The following ZNF385D variants were observed in gnomAD, a reference collection of about 807,000 sequenced individuals.
ZNF385D encodes zinc finger protein 659.
A neutral mutation model predicts 35.8 loss-of-function variants in ZNF385D; 15 were observed. That is an observed-to-expected ratio of 0.42 (90% confidence interval 0.28 to 0.64). The LOEUF (loss-of-function observed/expected upper bound fraction) is 0.64, where lower values mean the gene tolerates loss of function less well. Ranked by LOEUF, ZNF385D falls within the 30% of genes least tolerant of loss-of-function variation. ZNF385D has a pLI of 0.23. For missense variants in ZNF385D, 474 were observed against 494.6 expected (o/e 0.96, Z 0.39); for synonymous variants, 212 against 186.8 (o/e 1.13, Z -1.10).
chr3:21,963,413 A>G (rs1346960914), intron 3 of ZNF385D, among the ~76,000 whole-genome samples: 2 of 152,210 alleles, frequency 1.3e-5, no homozygotes, highest in Non-Finnish European at 2.9e-5. Flanking sequence ...AGTTAAGGAT[A>G]GGGAGGGGAA....
At chr3:21,948,374 TTTTTC>T (rs140269530) in intron 3 of ZNF385D, among the ~76,000 whole-genome samples, 10,906 of 151,972 alleles carry the variant, frequency 0.072, 1,268 homozygotes, top group African/African-American at 0.25. Context: ...AGGAGGCAGG[TTTTTC>T]TTTTCTTTCT....
chr3:22,151,419 G>A (rs1022523489), intron 3 of ZNF385D, among the ~76,000 whole-genome samples: 4 of 152,056 alleles, frequency 2.6e-5, no homozygotes, highest in Middle Eastern at 3.2e-3. Context: ...GGGTTGAGGA[G>A]GTGAATAATT....
intron 3 of ZNF385D, among the ~76,000 whole-genome samples, chr3:22,113,448 G>T (rs1702643469): frequency 6.6e-6 from 1 of 152,050 alleles, no homozygotes; most frequent in Middle Eastern, 3.4e-3. Context: ...ACTATACCTT[G>T]GTTCAAATGA....
At chr3:21,577,677 T>A (rs1427661721) in intron 2 of ZNF385D, among the ~76,000 whole-genome samples, 1 of 152,176 alleles carries the variant, frequency 6.6e-6, no homozygotes. Context: ...TAGCAGGTTA[T>A]TTTTTGTCTT....
In ZNF385D at chr3:21,751,046, G is replaced by A. The variant is rs2125556521; in HGVS notation, c.-130C>T. The A allele has an allele frequency of 1.9e-6, 3 of 1,557,398 alleles. No homozygotes were observed. Among genetic ancestry groups the A allele is most frequent in the East Asian group, 2.3e-5 (1 of 42,822 alleles). ...CCCGGCGTGGAGAGCAGTGAGCGCC[G>A]AGAGCGTGCCTCCTCCGCGGGATGA... On this transcript the variant is annotated 5_prime_UTR_variant, in exon 1 of 8. Coordinates refer to ENST00000281523, the MANE Select transcript of ZNF385D (RefSeq NM_024697.3).
chr3:21,439,276 C>T (rs909647062), intron 4 of ZNF385D, among the ~76,000 whole-genome samples: 3 of 68,170 alleles, frequency 4.4e-5, no homozygotes, highest in Admixed American at 1.8e-4. Context: ...TTTCATGGAA[C>T]AAGAAAATCA....
At chr3:21,694,504 G>A (rs2067401655) in intron 1 of ZNF385D, among the ~76,000 whole-genome samples, 1 of 152,192 alleles carries the variant, frequency 6.6e-6, no homozygotes, top group Non-Finnish European at 1.5e-5. Flanking sequence ...CTCTGGAACA[G>A]TAACTGGTCA....
chr3:22,071,978 G>A (rs1211485360), intron 3 of ZNF385D, among the ~76,000 whole-genome samples: 7 of 151,972 alleles, frequency 4.6e-5, no homozygotes, highest in South Asian at 2.1e-4. Flanking sequence ...GAAGTAAACT[G>A]TCAAATTCAG....
At chr3:22,048,469 C>G (rs1374965623) in intron 3 of ZNF385D, among the ~76,000 whole-genome samples, 1 of 152,090 alleles carries the variant, frequency 6.6e-6, no homozygotes, top group African/African-American at 2.4e-5. Context: ...ATGTGAATGT[C>G]AAGTTTTCCC....
At chr3:21,551,098 G>A (rs753970725) in intron 3 of ZNF385D, among the ~76,000 whole-genome samples, 1 of 152,204 alleles carries the variant, frequency 6.6e-6, no homozygotes, top group South Asian at 2.1e-4. Context: ...TTATGAGTGA[G>A]TTCTAGCTGC....
rs575988354 is a variant in ZNF385D, at chr3:22,342,762, C to G, written c.106+29688G>C. On this transcript the variant is annotated intron_variant, in intron 2 of 5. Coordinates refer to the ZNF385D transcript ENST00000494108. ...AAGAATATAGAAAATAATACCTCAG[C>G]CCTTGAAGAAATGTCTCCAATGGAT... Among the ~76,000 whole-genome samples, 49 of 152,314 alleles carry G rather than the reference C, an allele frequency of 3.2e-4. No homozygotes were observed. In the South Asian group the frequency reaches 7.9e-3, roughly 24 times the overall value.
chr3:21,471,716 G>A (rs960659124), intron 4 of ZNF385D, among the ~76,000 whole-genome samples: 8 of 152,024 alleles, frequency 5.3e-5, no homozygotes, highest in Non-Finnish European at 1.0e-4. Flanking sequence ...AGTATGATGG[G>A]AAACATTTCC....
chr3:21,585,429 CTTTT>C (rs1447315856), intron 2 of ZNF385D, among the ~76,000 whole-genome samples: 1 of 152,112 alleles, frequency 6.6e-6, no homozygotes, highest in East Asian at 1.9e-4. Flanking sequence ...TTTCCTTTGT[CTTTT>C]AAGTAAACTT....
chr3:22,125,642 C>A (rs928564477), intron 3 of ZNF385D, among the ~76,000 whole-genome samples: 56 of 152,018 alleles, frequency 3.7e-4, no homozygotes, highest in Non-Finnish European at 8.8e-5. Flanking sequence ...AGGTCTTTCA[C>A]ATTTTTGGTT....
chr3:21,609,606 T>A (rs576800436), intron 2 of ZNF385D, among the ~76,000 whole-genome samples: 1 of 152,274 alleles, frequency 6.6e-6, no homozygotes, highest in South Asian at 2.1e-4. Context: ...GAAATAGGGG[T>A]AGGCTCGTGA....
intron 3 of ZNF385D, among the ~76,000 whole-genome samples, chr3:22,131,682 G>A (rs937954878): frequency 9.2e-5 from 14 of 152,286 alleles, no homozygotes; most frequent in African/African-American, 2.9e-4. Context: ...TGATGGCAGA[G>A]CATATGACTA....
chr3:22,323,370 A>C (rs1433098518), intron 2 of ZNF385D, among the ~76,000 whole-genome samples: 1 of 152,158 alleles, frequency 6.6e-6, no homozygotes, highest in Non-Finnish European at 1.5e-5. Context: ...AGTTCATGAT[A>C]GTAAGTAAGT....
At chr3:21,994,206 G>A (rs776275745) in intron 3 of ZNF385D, among the ~76,000 whole-genome samples, 13 of 152,072 alleles carry the variant, frequency 8.5e-5, no homozygotes, top group Non-Finnish European at 1.6e-4. Flanking sequence ...GTGTTAGTTG[G>A]GTCATTAAAC....
rs137905087 is a variant in ZNF385D at position 22,363,245 on chromosome 3, T to A, written c.106+9205A>T. Among the ~76,000 whole-genome samples, 560 of 151,632 alleles carry A rather than the reference T, an allele frequency of 3.7e-3. 2 individuals are homozygous for A. Among genetic ancestry groups the A allele is most frequent in the African/African-American group, 0.013 (541 of 41,336 alleles). On this transcript the variant is annotated intron_variant, in intron 2 of 5. Transcript: ENST00000494108. ...CAATTTTCTCAGATTCCCCAAAGAGTCAAGCAGACCCCAGCTTCTAAACCA... is the reference window on the plus strand; with the variant it reads ...CAATTTTCTCAGATTCCCCAAAGAGACAAGCAGACCCCAGCTTCTAAACCA...
Sources: allele counts gnomAD v4.1 joint callset (sites outside exome capture counted in the v4.1 genomes callset), GRCh38; gene constraint gnomAD v4.1.1; transcripts MANE v1.5; gene names NCBI Gene and HGNC (gene_info 2026-07-23, HGNC 2026-07-21).